The following NEGR1 variants were observed in gnomAD, a reference collection of about 807,000 sequenced individuals.
The protein encoded by NEGR1 is neuronal growth regulator 1.
A neutral mutation model predicts 40.9 loss-of-function variants in NEGR1; 10 were observed. The observed-to-expected ratio is 0.24, with a 90% confidence interval of 0.15 to 0.42. NEGR1 has a LOEUF of 0.42. NEGR1 is among the 10% of genes least tolerant of loss of function. NEGR1 has a pLI of 1.00. For missense variants in NEGR1, 352 were observed against 438.9 expected (o/e 0.80, Z 1.77); for synonymous variants, 185 against 166.8 (o/e 1.11, Z -0.84).
intron 3 of NEGR1, among the ~76,000 whole-genome samples, chr1:71,749,988 CTT>C (rs768011020): frequency 1.1e-4 from 15 of 136,584 alleles, no homozygotes; most frequent in Non-Finnish European, 9.4e-5. Flanking sequence ...TTGCTCCTTT[CTT>C]TTTTTTTTTT....
intron 1 of NEGR1, among the ~76,000 whole-genome samples, chr1:72,161,858 T>C (rs1651576753): frequency 6.6e-6 from 1 of 151,576 alleles, no homozygotes; most frequent in Admixed American, 6.6e-5. Context: ...TGTTTTGTTT[T>C]GTTTTGTATT....
intron 3 of NEGR1, among the ~76,000 whole-genome samples, chr1:71,746,050 T>C (rs79289751): frequency 0.013 from 1,997 of 152,282 alleles, 43 homozygotes; most frequent in African/African-American, 0.046. Flanking sequence ...TACATGCCTG[T>C]CCATATTTCA....
intron 1 of NEGR1, among the ~76,000 whole-genome samples, chr1:72,078,928 C>T (rs1230756775): frequency 3.3e-5 from 5 of 151,476 alleles, no homozygotes; most frequent in Admixed American, 2.6e-4. Context: ...GCATGAGCCA[C>T]TGCGCCCAGC....
At chr1:71,750,904 A>T (rs1439894619) in intron 3 of NEGR1, among the ~76,000 whole-genome samples, 1 of 152,178 alleles carries the variant, frequency 6.6e-6, no homozygotes, top group South Asian at 2.1e-4. Context: ...ATTTTAGGAC[A>T]ATATAATGGG....
At chr1:72,169,034 T>C (rs993459251) in intron 1 of NEGR1, among the ~76,000 whole-genome samples, 3 of 152,050 alleles carry the variant, frequency 2.0e-5, no homozygotes, top group Admixed American at 1.3e-4. Context: ...AACCAGAAAA[T>C]GATGGGAGAC....
At chr1:72,028,205 T>TA (rs1646828450) in intron 1 of NEGR1, among the ~76,000 whole-genome samples, 1 of 152,202 alleles carries the variant, frequency 6.6e-6, no homozygotes, top group South Asian at 2.1e-4. Context: ...TTCCTCTTCT[T>TA]ACTCCAGCAT....
At chr1:72,025,983 C>G (rs1312244128) in intron 1 of NEGR1, among the ~76,000 whole-genome samples, 4 of 149,146 alleles carry the variant, frequency 2.7e-5, no homozygotes, top group African/African-American at 9.8e-5. Flanking sequence ...TAGTGGCGGG[C>G]GCCTGTAGTC....
intron 6 of NEGR1, among the ~76,000 whole-genome samples, chr1:71,470,187 T>G (rs1368721765): frequency 6.6e-6 from 1 of 152,114 alleles, no homozygotes; most frequent in Non-Finnish European, 1.5e-5. Flanking sequence ...CAGCATCACC[T>G]GGGCAGCTTT....
At chr1:72,246,282 A>G (rs1262694194) in intron 1 of NEGR1, among the ~76,000 whole-genome samples, 3 of 152,156 alleles carry the variant, frequency 2.0e-5, no homozygotes, top group African/African-American at 7.2e-5. Flanking sequence ...TTGTATTCCC[A>G]TTGTATTGTA....
At chr1:72,149,457 C>T (rs956822609) in intron 1 of NEGR1, among the ~76,000 whole-genome samples, 3 of 151,988 alleles carry the variant, frequency 2.0e-5, no homozygotes, top group Admixed American at 6.6e-5. Flanking sequence ...TAAAATCTTC[C>T]GTTCTATGTC....
chr1:71,448,750 G>T (rs1435317767), intron 6 of NEGR1, among the ~76,000 whole-genome samples: 1 of 152,138 alleles, frequency 6.6e-6, no homozygotes, highest in African/African-American at 2.4e-5. Context: ...CACAAAGAAG[G>T]TCAAGGTGCT....
chr1:71,548,691 G>A (rs770214955), intron 6 of NEGR1, among the ~76,000 whole-genome samples: 5 of 151,548 alleles, frequency 3.3e-5, no homozygotes, highest in Admixed American at 6.6e-5. Flanking sequence ...CCATTCTGCC[G>A]TTCCCAATTT....
At chr1:72,095,110 G>A (rs1051449904) in intron 1 of NEGR1, among the ~76,000 whole-genome samples, 3 of 152,002 alleles carry the variant, frequency 2.0e-5, no homozygotes, top group Non-Finnish European at 2.9e-5. Flanking sequence ...ATGATGATAT[G>A]CCTAATTTTT....
chr1:72,203,707 G>A (rs772959955), intron 1 of NEGR1, among the ~76,000 whole-genome samples: 1 of 151,976 alleles, frequency 6.6e-6, no homozygotes, highest in South Asian at 2.1e-4. Flanking sequence ...TATTTGGTGA[G>A]AATCAATTAA....
At chr1:71,570,363 T>A (rs765504363) in intron 6 of NEGR1, among the ~76,000 whole-genome samples, 1 of 152,182 alleles carries the variant, frequency 6.6e-6, no homozygotes, top group Non-Finnish European at 1.5e-5. Flanking sequence ...GGGGTTTTTA[T>A]ATATCTTAGA....
chr1:71,575,587 C>T (rs895651805), intron 6 of NEGR1, among the ~76,000 whole-genome samples: 3 of 151,910 alleles, frequency 2.0e-5, no homozygotes, highest in South Asian at 2.1e-4. Flanking sequence ...ATTGAGACCA[C>T]CCTGGCTAAC....
rs1646260922 is a variant in NEGR1, at chr1:71,403,924, A to C, written c.*3522T>G. 5 of 377,632 alleles carry C rather than the reference A, an allele frequency of 1.3e-5. No individual in the cohort carries two copies. 23.4% of individuals were successfully genotyped at this position (377,632 alleles called of 1,614,324 possible). A position where few individuals can be genotyped will look rare whatever the true frequency, so the allele number is the denominator to read the frequency against. ...ATTCATATCTATTGAAATACTGTAC[A>C]TCCACATACTTCAATAAATAGTTAA... is the stretch of plus-strand genomic sequence containing the variant. On this transcript the variant is annotated 3_prime_UTR_variant, in exon 7 of 7. Coordinates refer to ENST00000357731, the MANE Select transcript of NEGR1 (RefSeq NM_173808.3).
chr1:72,044,660 A>C (rs1646985908), intron 1 of NEGR1, among the ~76,000 whole-genome samples: 1 of 151,862 alleles, frequency 6.6e-6, no homozygotes, highest in Non-Finnish European at 1.5e-5. Context: ...AAAAAACATA[A>C]ACTCTGATAT....
intron 2 of NEGR1, among the ~76,000 whole-genome samples, chr1:71,914,890 C>A (rs575585397): frequency 6.6e-6 from 1 of 152,230 alleles, no homozygotes; most frequent in African/African-American, 2.4e-5. Context: ...TGTCTGTAAT[C>A]ACTGCCTATT....
Sources: gnomAD v4.1 joint callset for allele counts (sites outside exome capture counted in the v4.1 genomes callset) on GRCh38, gnomAD v4.1.1 for gene constraint, MANE v1.5 for transcripts, NCBI Gene and HGNC (gene_info 2026-07-23, HGNC 2026-07-21) for gene names.